The following MORN5 variants were observed in gnomAD, a reference collection of about 807,000 sequenced individuals.
The protein encoded by MORN5 is MORN repeat containing 5.
Under a neutral mutation model 22.1 loss-of-function variants are expected in MORN5, and 21 were observed. The ratio of observed to expected loss-of-function variants is 0.95; its 90% CI spans 0.67 to 1.37. MORN5 has a LOEUF of 1.37. Among genes scored for constraint, MORN5 ranks in the 40% most tolerant of loss-of-function variants. The pLI, the probability that MORN5 is intolerant of heterozygous loss-of-function variation, is 0.00. For missense variants in MORN5, 211 were observed against 215.1 expected (o/e 0.98, Z 0.12); for synonymous variants, 73 against 74.0 (o/e 0.99, Z 0.07).
At chr9:122,165,129 C>G (rs1036664803) in intron 1 of MORN5, among the ~76,000 whole-genome samples, 5 of 152,118 alleles carry the variant, frequency 3.3e-5, no homozygotes, top group African/African-American at 4.8e-5. Context: ...AGGAGAGGAG[C>G]CTTCAGCTTG....
intron 1 of MORN5, among the ~76,000 whole-genome samples, chr9:122,163,290 A>G (rs549426919): frequency 1.2e-4 from 18 of 152,236 alleles, no homozygotes; most frequent in South Asian, 6.2e-4. Flanking sequence ...TCATTATCCT[A>G]TTTTACAGAT....
At chr9:122,169,467 G>A (rs956166618) in intron 2 of MORN5, among the ~76,000 whole-genome samples, 178 bp from the exon 3 acceptor site, 5 of 152,174 alleles carry the variant, frequency 3.3e-5, no homozygotes, top group African/African-American at 7.2e-5. Context: ...TTGAGCGGCA[G>A]GGACAGGGCT....
Position 122,200,062 on chromosome 9 carries a change from G to C in MORN5, c.*131G>C. On this transcript the variant is annotated 3_prime_UTR_variant, in exon 5 of 5. Coordinates refer to ENST00000373764, the MANE Select transcript of MORN5 (RefSeq NM_198469.4). ...GTTCTAGAACCTGATTTTAACTCAG[G>C]AATAAAGACTTTCTGCGGTCAGTGG... 2.4e-6 allele frequency: 2 copies of C among 840,336 alleles called. No homozygotes were observed. Among genetic ancestry groups the C allele is most frequent in the Non-Finnish European group, 3.9e-6 (2 of 509,966 alleles). The allele number at this position is 840,336 out of a possible 1,614,324, so 52.1% of individuals were successfully genotyped here.
chr9:122,161,466 A>C (rs1275343299), intron 1 of MORN5, among the ~76,000 whole-genome samples: 1 of 152,108 alleles, frequency 6.6e-6, no homozygotes, highest in Non-Finnish European at 1.5e-5. Context: ...CCCTCTCACT[A>C]CTCAGTGAGA....
chr9:122,168,952 C>G (rs1433904968), intron 2 of MORN5, among the ~76,000 whole-genome samples: 1 of 152,092 alleles, frequency 6.6e-6, no homozygotes, highest in East Asian at 1.9e-4. Context: ...AACCCAAGGG[C>G]CTCAACCAGG....
intron 3 of MORN5, among the ~76,000 whole-genome samples, chr9:122,173,968 C>T (rs1023365955): frequency 3.0e-4 from 46 of 152,312 alleles, no homozygotes; most frequent in African/African-American, 1.0e-3. Context: ...TGGCAGCCAC[C>T]GTGGTAATTT....
intron 4 of MORN5, among the ~76,000 whole-genome samples, chr9:122,190,883 C>G (rs1013085817): frequency 5.2e-5 from 8 of 152,392 alleles, no homozygotes; most frequent in Middle Eastern, 3.4e-3. Flanking sequence ...CACCAGCTCA[C>G]GTAGGCTGCA....
chr9:122,167,582 C>T (rs1376040166), intron 2 of MORN5, among the ~76,000 whole-genome samples: 2 of 152,054 alleles, frequency 1.3e-5, no homozygotes, highest in Non-Finnish European at 2.9e-5. Context: ...CTGGAAGGAT[C>T]TGTGGAGAGG....
intron 4 of MORN5, among the ~76,000 whole-genome samples, chr9:122,179,251 T>G (rs554780743): frequency 1.3e-5 from 2 of 152,134 alleles, no homozygotes; most frequent in South Asian, 4.2e-4. Context: ...GCCCGAGAGA[T>G]GGGCGGGGTG....
In MORN5 at chr9:122,163,711, A is replaced by G. The variant is rs112028033; in HGVS notation, c.48-3057A>G. Among the ~76,000 whole-genome samples, 178 of 152,284 alleles carry G rather than the reference A, an allele frequency of 1.2e-3. 2 individuals carry two copies. The highest frequency in any genetic ancestry group is 4.1e-3 in the African/African-American group (172 of 41,568). Reference sequence around the variant, plus strand: ...ACAGGCGGTCTGTGCTCTGGCAAAGAAATTTCAATACCGTGCACAATTCTG... The same window carrying G: ...ACAGGCGGTCTGTGCTCTGGCAAAGGAATTTCAATACCGTGCACAATTCTG... On this transcript the variant is annotated intron_variant, in intron 1 of 4. Transcript: ENST00000373764.
At chr9:122,173,656 C>T (rs545701384) in intron 3 of MORN5, among the ~76,000 whole-genome samples, 18 of 152,242 alleles carry the variant, frequency 1.2e-4, no homozygotes, top group Non-Finnish European at 1.6e-4. Flanking sequence ...TGAGCCATGG[C>T]GTTTCAAGAT....
At chr9:122,199,385 C>T (rs757640214) in intron 4 of MORN5, among the ~76,000 whole-genome samples, 1 of 152,180 alleles carries the variant, frequency 6.6e-6, no homozygotes, top group Non-Finnish European at 1.5e-5. Flanking sequence ...TGCCCCTCTC[C>T]GTTCCCCACT....
intron 1 of MORN5, among the ~76,000 whole-genome samples, chr9:122,166,280 T>TTATA (rs145965768): frequency 0.042 from 6,283 of 149,706 alleles, 192 homozygotes; most frequent in African/African-American, 0.067. Context: ...GTATCCAAGA[T>TTATA]TATATATATA....
At chr9:122,187,767 ATTCT>A (rs1314295682) in intron 4 of MORN5, among the ~76,000 whole-genome samples, 1 of 152,206 alleles carries the variant, frequency 6.6e-6, no homozygotes, top group Admixed American at 6.5e-5. Flanking sequence ...CAAATATGAG[ATTCT>A]TTCCAGAAAA....
At chr9:122,180,577 C>T (rs757770141) in intron 4 of MORN5, among the ~76,000 whole-genome samples, 4 of 152,278 alleles carry the variant, frequency 2.6e-5, no homozygotes, top group South Asian at 4.1e-4. Context: ...TGAGCCACTG[C>T]GCTCGGCCCG....
intron 4 of MORN5, among the ~76,000 whole-genome samples, chr9:122,180,327 C>G (rs1829518781): frequency 6.8e-6 from 1 of 146,954 alleles, no homozygotes; most frequent in Non-Finnish European, 1.5e-5. Flanking sequence ...ACTCTGTCAC[C>G]TAGGCTGGAG....
At chr9:122,165,188 C>G (rs188027620) in intron 1 of MORN5, among the ~76,000 whole-genome samples, 25 of 152,180 alleles carry the variant, frequency 1.6e-4, no homozygotes, top group African/African-American at 6.0e-4. Context: ...ATTAAGCACT[C>G]ACTATATATA....
intron 4 of MORN5, among the ~76,000 whole-genome samples, chr9:122,180,677 G>A (rs1021647457): frequency 2.6e-5 from 4 of 152,172 alleles, no homozygotes; most frequent in African/African-American, 9.7e-5. Context: ...CCAGCTGTTG[G>A]TGGACCATTG....
chr9:122,194,612 T>C (rs1306773824), intron 4 of MORN5, among the ~76,000 whole-genome samples: 1 of 152,180 alleles, frequency 6.6e-6, no homozygotes, highest in Non-Finnish European at 1.5e-5. Context: ...CCAGACTTCA[T>C]CTGGGAGAGT....
Sources: allele counts gnomAD v4.1 joint callset (sites outside exome capture counted in the v4.1 genomes callset), GRCh38; gene constraint gnomAD v4.1.1; transcripts MANE v1.5; gene names NCBI Gene and HGNC (gene_info 2026-07-23, HGNC 2026-07-21).